BEND4: variants seen among roughly 807,000 people sequenced by gnomAD.
BEND4 encodes BEN domain containing 4.
A neutral mutation model predicts 54.7 loss-of-function variants in BEND4; 27 were observed. The observed-to-expected ratio is 0.49, with a 90% CI of 0.36 to 0.68. The LOEUF is 0.68. Ranked by LOEUF, BEND4 falls within the 30% of genes least tolerant of loss-of-function variation. The pLI is 0.00. For synonymous variants in BEND4, 327 were observed against 299.5 expected, an observed-to-expected ratio of 1.09 and a Z score of -0.95; for missense variants, 702 against 697.2, an observed-to-expected ratio of 1.01 and a Z score of -0.08.
At chr4:42,124,094 C>T (rs532551358) in intron 4 of BEND4, among the ~76,000 whole-genome samples, 6 of 152,306 alleles carry the variant, frequency 3.9e-5, no homozygotes, top group South Asian at 4.1e-4. Flanking sequence ...CAGGCTCATG[C>T]CTGTAATCCC....
intron 2 of BEND4, chr4:42,151,422 C>G (rs1721276756): frequency 8.7e-6 from 3 of 344,438 alleles, no homozygotes; most frequent in Non-Finnish European, 1.6e-5. Flanking sequence ...CTTCCCGGCG[C>G]GGGATCCAAG....
Position 42,152,293 on chromosome 4 carries a change from C to G in BEND4, c.-150G>C. 1 of 758,578 alleles carries G rather than the reference C, an allele frequency of 1.3e-6. No homozygotes were observed. The highest frequency in any genetic ancestry group is 1.8e-6 in the Non-Finnish European group (1 of 564,280). The allele number at this position is 758,578 out of a possible 1,614,324, so 47.0% of individuals were successfully genotyped here. On this transcript the variant is annotated 5_prime_UTR_variant, in exon 2 of 6. Transcript: ENST00000502486. ...TGTGCCGTGGCCGCCGCCGCCGCCG[C>G]CTGTCGCTGAGGCTGGCATCGCCGA...
At position 42,117,306 on chromosome 4, in the gene BEND4, C is replaced by T. The variant is rs1577743856; in HGVS notation, c.*212G>A. 6.4e-6 allele frequency: 3 copies of T among 472,100 alleles called. No individual in the cohort carries two copies. Among genetic ancestry groups the T allele is most frequent in the East Asian group, 7.1e-5 (2 of 28,236 alleles). 29.2% of individuals were successfully genotyped at this position (472,100 alleles called of 1,614,324 possible). A position where few individuals can be genotyped will look rare whatever the true frequency, so the allele number is the denominator to read the frequency against. On this transcript the variant is annotated 3_prime_UTR_variant, in exon 6 of 6. Transcript: ENST00000502486. ...ATTTAAAAATCAGATGTAGTTTTTT[C>T]TTTTTATAATATAATATTCCAAAAG...
At chr4:42,134,121 AGATTCT>A (rs1216039701) in intron 3 of BEND4, among the ~76,000 whole-genome samples, 2 of 152,212 alleles carry the variant, frequency 1.3e-5, no homozygotes, top group South Asian at 2.1e-4. Flanking sequence ...GAAACTGCTC[AGATTCT>A]GGTTTTGCCC....
intron 5 of BEND4, among the ~76,000 whole-genome samples, chr4:42,118,093 T>C (rs1719917470): frequency 6.6e-6 from 1 of 152,172 alleles, no homozygotes; most frequent in South Asian, 2.1e-4. Flanking sequence ...TGCTCACATT[T>C]TGAGAATGTT....
rs747365753 is a variant in BEND4, at chr4:42,120,306, A to C, written c.1147-12T>G. On this transcript the variant is annotated splice_polypyrimidine_tract_variant and intron_variant, in intron 4 of 5. Coordinates refer to ENST00000502486, the MANE Select transcript of BEND4 (RefSeq NM_207406.4). ...AGCTGCTTGCTTCCCTGGAAAAGCG[A>C]AATATTTTCTCATTACCCACCGAGC... The C allele has an allele frequency of 1.9e-6, 3 of 1,592,126 alleles. No individual in the cohort carries two copies. The African/African-American group carries it at 4.0e-5, about 21-fold the overall frequency.
At chr4:42,136,613 C>T (rs1720707357) in intron 3 of BEND4, among the ~76,000 whole-genome samples, 1 of 152,236 alleles carries the variant, frequency 6.6e-6, no homozygotes. Flanking sequence ...ATTCTTGTTT[C>T]AGCTCTCGTA....
In BEND4 at chr4:42,123,474, G is replaced by T. The variant is rs138769519; in HGVS notation, c.1146+2109C>A. 3.7e-3 allele frequency among the ~76,000 whole-genome samples: 557 copies of T among 151,944 alleles called. 1 individual carries two copies. Among genetic ancestry groups the T allele is most frequent in the Non-Finnish European group, 5.7e-3 (388 of 67,938 alleles). On this transcript the variant is annotated intron_variant, in intron 4 of 5. Transcript: ENST00000502486. Reference sequence around the variant, plus strand: ...AGTCATCATCAAATGGAAGACACAGGTGTACATTTACTATTAAGCAAGGAA... The same window carrying T: ...AGTCATCATCAAATGGAAGACACAGTTGTACATTTACTATTAAGCAAGGAA...
chr4:42,130,445 A>C (rs140016156), intron 3 of BEND4, among the ~76,000 whole-genome samples: 5,667 of 141,038 alleles, frequency 0.04, 389 homozygotes, highest in African/African-American at 0.15. Flanking sequence ...ACGCCATTGC[A>C]CTCCAGTCTG....
At chr4:42,138,157 C>A (rs554163050) in intron 3 of BEND4, among the ~76,000 whole-genome samples, 10 of 152,102 alleles carry the variant, frequency 6.6e-5, no homozygotes, top group Non-Finnish European at 1.5e-4. Flanking sequence ...AGCATTATTC[C>A]CAATAGCCAA....
intron 2 of BEND4, among the ~76,000 whole-genome samples, chr4:42,144,463 A>G (rs1038889095): frequency 2.0e-5 from 3 of 152,220 alleles, no homozygotes; most frequent in Non-Finnish European, 2.9e-5. Context: ...CAGAGAGTAC[A>G]TAGCTCCCAG....
At chr4:42,123,762 T>C (rs1359463041) in intron 4 of BEND4, among the ~76,000 whole-genome samples, 1 of 131,928 alleles carries the variant, frequency 7.6e-6, no homozygotes, top group Non-Finnish European at 1.6e-5. Flanking sequence ...GCTGCTGCAA[T>C]AGTCAGGTGA....
chr4:42,144,183 G>A, intron 2 of BEND4, 189 bp from the exon 3 acceptor site: 2 of 629,608 alleles, frequency 3.2e-6, no homozygotes, highest in Non-Finnish European at 5.6e-6. Context: ...GCGACTGCGG[G>A]ATGCTTGCTG....
At chr4:42,130,265 G>C in intron 3 of BEND4, among the ~76,000 whole-genome samples, 1 of 152,096 alleles carries the variant, frequency 6.6e-6, no homozygotes, top group Non-Finnish European at 1.5e-5. Flanking sequence ...CGGATCACAA[G>C]GTCAGGAGAT....
chr4:42,143,422 G>A lies in BEND4; in HGVS notation c.1054+6C>T, dbSNP rs367878298. ...CAGTTGTCTTGCAAGGAATATGGCA[G>A]GATACCTGGGATGCTCTCTAATTTC... On this transcript the variant is annotated splice_donor_region_variant and intron_variant, in intron 3 of 5. Transcript: ENST00000502486. The A allele has an allele frequency of 5.8e-6, 9 of 1,549,658 alleles. No individual in the cohort carries two copies. Among genetic ancestry groups the A allele is most frequent in the South Asian group, 1.2e-5 (1 of 84,012 alleles).
chr4:42,143,531 C>T lies in BEND4; in HGVS notation c.951G>A (p.Glu317=). The T allele has an allele frequency of 2.0e-6, 3 of 1,531,074 alleles. No homozygotes were observed. In the South Asian group the frequency reaches 3.6e-5, roughly 18 times the overall value. 94.8% of individuals were successfully genotyped at this position (1,531,074 alleles called of 1,614,324 possible). ...SSTLPEEEEE[E]DEEGYCPRCQ... is the part of the protein sequence containing the mutation. ...ATCGAGGACAATAGCCTTCCTCGTC[C>T]TCCTCCTCCTCCTCTTCTGGCAGTG... The change falls in exon 3 of 6, where the codon GAG becomes GAA. Residue 317 remains glutamate, a synonymous_variant. Transcript: ENST00000502486.
chr4:42,144,777 C>A (rs1721020658), intron 2 of BEND4, among the ~76,000 whole-genome samples: 1 of 152,136 alleles, frequency 6.6e-6, no homozygotes, highest in South Asian at 2.1e-4. Context: ...TACATGAATT[C>A]TAAAGCATAT....
intron 5 of BEND4, 89 bp from the exon 6 acceptor site, chr4:42,117,824 A>G (rs1277295128): frequency 1.2e-6 from 1 of 821,098 alleles, no homozygotes; most frequent in Non-Finnish European, 1.9e-6. Context: ...CTTAAACTTT[A>G]ACAGAAGCTC....
rs1303818569 is a variant in BEND4 at position 42,111,879 on chromosome 4, T to C, written c.*5639A>G. 2 of 152,212 alleles carry C rather than the reference T, an allele frequency of 1.3e-5. No homozygotes were observed. The highest frequency in any genetic ancestry group is 1.5e-5 in the Non-Finnish European group (1 of 68,042). 9.4% of individuals were successfully genotyped at this position (152,212 alleles called of 1,614,324 possible). A position where few individuals can be genotyped will look rare whatever the true frequency, so the allele number is the denominator to read the frequency against. ...TTGCACTAGGAACCTATGGGACAAA[T>C]GTGAACAAACTCGTGATTTTAATTT... On this transcript the variant is annotated 3_prime_UTR_variant, in exon 6 of 6. Transcript: ENST00000502486.
Sources: gnomAD v4.1 joint callset for allele counts (sites outside exome capture counted in the v4.1 genomes callset) on GRCh38, gnomAD v4.1.1 for gene constraint, MANE v1.5 for transcripts, NCBI Gene and HGNC (gene_info 2026-07-23, HGNC 2026-07-21) for gene names.